Variants in DCT observed in about 807,000 individuals in gnomAD.
DCT encodes the protein dopachrome tautomerase, also known as L-dopachrome tautomerase.
Under a neutral mutation model 53.0 loss-of-function variants are expected in DCT, and 47 were observed. The ratio of observed to expected loss-of-function variants is 0.89; its 90% CI spans 0.70 to 1.13. The LOEUF is 1.13. DCT is among the 50% of genes most tolerant of loss of function. The probability of loss-of-function intolerance (pLI) is 0.00; values close to 1 mark genes in which losing one functional copy is unlikely to be tolerated. For missense variants in DCT, 669 were observed against 637.4 expected (o/e 1.05, Z -0.53); for synonymous variants, 244 against 237.0 (o/e 1.03, Z -0.27).
At chr13:94,534,018 C>A in the DCT span, among the ~76,000 whole-genome samples, 694 of 152,206 alleles carry the variant, frequency 4.6e-3, 2 homozygotes, top group Middle Eastern at 0.017. Flanking sequence ...ACTTACTACA[C>A]CTGTGATGCA....
rs3782971 is a variant in DCT, at chr13:94,456,723, G to A, written c.1179+3368C>T. 7.2e-3 allele frequency among the ~76,000 whole-genome samples: 1,101 copies of A among 152,314 alleles called. 31 individuals are homozygous for A. In the East Asian group the frequency reaches 0.099, roughly 14 times the overall value. On this transcript the variant is annotated intron_variant, in intron 6 of 7. Coordinates refer to ENST00000377028, the MANE Select transcript of DCT (RefSeq NM_001922.5). Reference sequence around the variant, plus strand: ...GGTCAAGAGACCCACACTTTGCAGAGTGGGAAGCAGAAGCTCCATGTGGTT... The same window carrying A: ...GGTCAAGAGACCCACACTTTGCAGAATGGGAAGCAGAAGCTCCATGTGGTT...
intron 4 of DCT, among the ~76,000 whole-genome samples, chr13:94,463,328 C>T (rs1296284421): frequency 1.3e-5 from 2 of 151,032 alleles, no homozygotes; most frequent in Non-Finnish European, 3.0e-5. Context: ...ACTCTGTAGC[C>T]CAGGCTGGAG....
chr13:94,523,873 T>C, the DCT span, among the ~76,000 whole-genome samples: 470 of 146,122 alleles, frequency 3.2e-3, 2 homozygotes, highest in African/African-American at 0.012. Flanking sequence ...GAGGACTCCA[T>C]TTTTTTTTTA....
chr13:94,505,784 A>G, the DCT span, among the ~76,000 whole-genome samples: 1 of 152,222 alleles, frequency 6.6e-6, no homozygotes, highest in Non-Finnish European at 1.5e-5. Flanking sequence ...TTGATAAAGC[A>G]AGCTGCCTTG....
At position 94,439,962 on chromosome 13, in the gene DCT, C is replaced by T. The variant is rs562777602; in HGVS notation, c.1496G>A (p.Arg499Gln). 2.6e-5 allele frequency: 42 copies of T among 1,613,966 alleles called. No homozygotes were observed. The highest frequency in any genetic ancestry group is 1.7e-4 in the Middle Eastern group (1 of 6,060). The change falls in exon 8 of 8, where the codon CGA (arginine) becomes CAA (glutamine). Residue 499 changes from arginine (R) to glutamine (Q), a missense_variant. Coordinates refer to ENST00000377028, the MANE Select transcript of DCT (RefSeq NM_001922.5). ...LLAFLQYRRL[R>Q]KGYTPLMETH... ...CTCCATTAGGGGTGTATATCCTTTT[C>T]GAAGTCTTCTATATTGAAGAAAAGC...
the DCT span, among the ~76,000 whole-genome samples, chr13:94,508,599 T>C: frequency 2.0e-5 from 3 of 152,236 alleles, no homozygotes; most frequent in African/African-American, 7.2e-5. Flanking sequence ...ATTAGAGAAG[T>C]TTCCAATTGG....
At chr13:94,450,671 A>G (rs533080469) in intron 6 of DCT, among the ~76,000 whole-genome samples, 1 of 152,346 alleles carries the variant, frequency 6.6e-6, no homozygotes, top group South Asian at 2.1e-4. Context: ...GAACAGATGC[A>G]GAGGACTACA....
chr13:94,528,029 A>G, the DCT span, among the ~76,000 whole-genome samples: 2 of 152,206 alleles, frequency 1.3e-5, no homozygotes, highest in African/African-American at 4.8e-5. Context: ...AAGTGGAAGA[A>G]AGGATCTCAG....
the DCT span, among the ~76,000 whole-genome samples, chr13:94,516,720 A>AC: frequency 2.6e-5 from 4 of 151,650 alleles, no homozygotes; most frequent in South Asian, 2.1e-4. Context: ...ACTTGAGTCC[A>AC]CCCCCCCTCA....
chr13:94,452,668 T>C (rs201560675), intron 6 of DCT: 1 of 758,240 alleles, frequency 1.3e-6, no homozygotes, highest in African/African-American at 1.7e-5. Flanking sequence ...ATCACCTAAA[T>C]GTCCATCAAC....
chr13:94,537,599 C>T, the DCT span, among the ~76,000 whole-genome samples: 1 of 152,122 alleles, frequency 6.6e-6, no homozygotes, highest in South Asian at 2.1e-4. Flanking sequence ...GATGTAGAGC[C>T]TTTTTTATTG....
chr13:94,506,691 G>C, the DCT span, among the ~76,000 whole-genome samples: 2 of 152,026 alleles, frequency 1.3e-5, no homozygotes, highest in Non-Finnish European at 2.9e-5. Context: ...TATTTACATA[G>C]TCTCAAAATA....
At chr13:94,457,850 A>G (rs1463630168) in intron 6 of DCT, among the ~76,000 whole-genome samples, 1 of 152,174 alleles carries the variant, frequency 6.6e-6, no homozygotes, top group East Asian at 1.9e-4. Flanking sequence ...TAAATCTCTT[A>G]TGACAACTTG....
chr13:94,465,571 C>T, intron 4 of DCT, 62 bp downstream of exon 4: 1 of 1,483,862 alleles, frequency 6.7e-7, no homozygotes, highest in Non-Finnish European at 9.2e-7. Context: ...GACTTCTCCT[C>T]CATGTCTCAG....
the DCT span, among the ~76,000 whole-genome samples, chr13:94,522,371 C>T: frequency 1.3e-5 from 2 of 152,088 alleles, no homozygotes; most frequent in African/African-American, 2.4e-5. Flanking sequence ...TTCCTGCCCT[C>T]GAACATCAGA....
intron 6 of DCT, 94 bp downstream of exon 6, chr13:94,459,997 G>T: frequency 7.7e-7 from 1 of 1,294,270 alleles, no homozygotes; most frequent in South Asian, 1.3e-5. Flanking sequence ...TGTTCACACA[G>T]AGAATAAAAC....
intron 6 of DCT, among the ~76,000 whole-genome samples, chr13:94,455,936 T>C (rs1883384384): frequency 6.6e-6 from 1 of 152,222 alleles, no homozygotes; most frequent in Non-Finnish European, 1.5e-5. Context: ...CAATGTATGC[T>C]TTAATAAATA....
At chr13:94,532,531 C>T in the DCT span, among the ~76,000 whole-genome samples, 8 of 152,268 alleles carry the variant, frequency 5.3e-5, no homozygotes, top group South Asian at 2.1e-4. Flanking sequence ...CAAACTATCA[C>T]GAGGACAGAA....
the DCT span, among the ~76,000 whole-genome samples, chr13:94,548,618 C>T: frequency 6.6e-6 from 1 of 152,022 alleles, no homozygotes; most frequent in Non-Finnish European, 1.5e-5. Flanking sequence ...CCTGGGCCTC[C>T]ATTTTCTTTC....
Sources: allele counts gnomAD v4.1 joint callset (sites outside exome capture counted in the v4.1 genomes callset), GRCh38; gene constraint gnomAD v4.1.1; transcripts MANE v1.5; gene names NCBI Gene and HGNC (gene_info 2026-07-23, HGNC 2026-07-21).